Variants in ARHGAP12 observed in about 807,000 individuals in gnomAD.
ARHGAP12 encodes the protein Rho GTPase activating protein 12.
Under a neutral mutation model 108.6 loss-of-function variants are expected in ARHGAP12, and 64 were observed. That is an observed-to-expected ratio of 0.59 (90% CI 0.48 to 0.73). ARHGAP12 has a LOEUF of 0.73. ARHGAP12 is among the 30% of genes least tolerant of loss of function. The pLI is 0.00. For missense variants in ARHGAP12, 940 were observed against 1,005.9 expected (o/e 0.93, Z 0.89); for synonymous variants, 312 against 337.2 (o/e 0.93, Z 0.82).
At chr10:31,857,452 C>T (rs1007711322) in intron 4 of ARHGAP12, among the ~76,000 whole-genome samples, 4 of 152,098 alleles carry the variant, frequency 2.6e-5, no homozygotes, top group South Asian at 4.2e-4. Context: ...GGATGAACAG[C>T]GTGAGGTTAA....
In ARHGAP12 at chr10:31,890,384, T is replaced by A. The variant is rs553099940; in HGVS notation, c.684+17788A>T. On this transcript the variant is annotated intron_variant, in intron 3 of 19. Coordinates refer to ENST00000344936, the MANE Select transcript of ARHGAP12 (RefSeq NM_018287.7). ...GCATATTTTACCAAAAAATATTACG[T>A]TATAAATACTGAGGATTAGGTTTTC... Among the ~76,000 whole-genome samples, 197 of 152,310 alleles carry A rather than the reference T, an allele frequency of 1.3e-3. 1 individual carries two copies. Among genetic ancestry groups the A allele is most frequent in the African/African-American group, 4.6e-3 (191 of 41,572 alleles).
At chr10:31,865,877 C>CA (rs34210099) in intron 3 of ARHGAP12, among the ~76,000 whole-genome samples, 59,675 of 127,632 alleles carry the variant, frequency 0.47, 14,143 homozygotes, top group South Asian at 0.58. Flanking sequence ...GACTCCGTCT[C>CA]AAAAAAAAAA....
chr10:31,918,069 T>C (rs539619306), intron 1 of ARHGAP12, among the ~76,000 whole-genome samples: 89 of 152,052 alleles, frequency 5.9e-4, no homozygotes, highest in African/African-American at 2.1e-3. Context: ...AATCTTCCTG[T>C]CTCAGCCTCC....
intron 11 of ARHGAP12, among the ~76,000 whole-genome samples, chr10:31,822,365 A>C (rs1835447694): frequency 6.6e-6 from 1 of 152,208 alleles, no homozygotes; most frequent in Admixed American, 6.5e-5. Context: ...TGGCAGAAGG[A>C]CTTGATGGAA....
chr10:31,817,403 A>C (rs1835244209), intron 13 of ARHGAP12, among the ~76,000 whole-genome samples: 1 of 152,206 alleles, frequency 6.6e-6, no homozygotes, highest in African/African-American at 2.4e-5. Flanking sequence ...AGTGCTAATG[A>C]AGAGACTACA....
chr10:31,925,741 T>C (rs556117838), intron 1 of ARHGAP12, among the ~76,000 whole-genome samples: 7 of 152,278 alleles, frequency 4.6e-5, no homozygotes, highest in South Asian at 2.1e-4. Context: ...AAGAGTAACA[T>C]TGGTCTACAC....
At chr10:31,895,083 T>C (rs1838622826) in intron 3 of ARHGAP12, among the ~76,000 whole-genome samples, 1 of 152,178 alleles carries the variant, frequency 6.6e-6, no homozygotes, top group South Asian at 2.1e-4. Context: ...CCTTATACCT[T>C]ACACAAAAAT....
chr10:31,880,876 G>A (rs7921936), intron 3 of ARHGAP12, among the ~76,000 whole-genome samples: 2,019 of 150,578 alleles, frequency 0.013, 38 homozygotes, highest in African/African-American at 0.047. Context: ...CCTGGGCAAC[G>A]TGGCAAAGCT....
At chr10:31,884,688 T>C (rs1838126909) in intron 3 of ARHGAP12, among the ~76,000 whole-genome samples, 1 of 152,230 alleles carries the variant, frequency 6.6e-6, no homozygotes, top group Admixed American at 6.5e-5. Context: ...GGAACATTCA[T>C]TCACTGAGTT....
chr10:31,818,502 C>A (rs1192470378), intron 12 of ARHGAP12, among the ~76,000 whole-genome samples: 1 of 152,096 alleles, frequency 6.6e-6, no homozygotes, highest in Non-Finnish European at 1.5e-5. Context: ...TATGTACAAT[C>A]TCTGTTTTGC....
chr10:31,827,809 AC>A (rs1381868602), intron 10 of ARHGAP12, among the ~76,000 whole-genome samples: 9 of 151,330 alleles, frequency 5.9e-5, no homozygotes, highest in African/African-American at 2.2e-4. Flanking sequence ...AAAAACAAAA[AC>A]AAAAAAAAAA....
intron 4 of ARHGAP12, among the ~76,000 whole-genome samples, chr10:31,859,987 GTCCAGGCTGGTTTCGAAC>G (rs1837055535): frequency 1.3e-5 from 2 of 152,024 alleles, no homozygotes; most frequent in Admixed American, 1.3e-4. Flanking sequence ...TCACCATGTT[GTCCAGGCTGGTTTCGAAC>G]TCCTGACCTC....
At chr10:31,886,767 C>G (rs1405987530) in intron 3 of ARHGAP12, among the ~76,000 whole-genome samples, 2 of 152,168 alleles carry the variant, frequency 1.3e-5, no homozygotes, top group African/African-American at 4.8e-5. Context: ...GTCAATCATA[C>G]TACCCTGCAC....
intron 6 of ARHGAP12, among the ~76,000 whole-genome samples, chr10:31,843,918 G>C (rs1836357690): frequency 6.6e-6 from 1 of 152,094 alleles, no homozygotes; most frequent in South Asian, 2.1e-4. Context: ...AAGTATTAAA[G>C]AAGAAAGTAT....
At chr10:31,853,517 GAT>G (rs1836775515) in intron 5 of ARHGAP12, among the ~76,000 whole-genome samples, 1 of 152,122 alleles carries the variant, frequency 6.6e-6, no homozygotes. Context: ...AGGAAAGAGG[GAT>G]AAAAGCCTAG....
At chr10:31,846,509 T>C (rs1564386497) in intron 6 of ARHGAP12, among the ~76,000 whole-genome samples, 1 of 152,224 alleles carries the variant, frequency 6.6e-6, no homozygotes, top group Non-Finnish European at 1.5e-5. Flanking sequence ...ACAGTTCTTT[T>C]CTTCTAGCAT....
chr10:31,861,316 A>T, intron 4 of ARHGAP12, 79 bp downstream of exon 4: 1 of 1,496,444 alleles, frequency 6.7e-7, no homozygotes, highest in Non-Finnish European at 9.0e-7. Flanking sequence ...TAAGAAACAA[A>T]ACTATTTACT....
intron 3 of ARHGAP12, among the ~76,000 whole-genome samples, chr10:31,884,198 T>C (rs182553433): frequency 1.2e-3 from 189 of 151,994 alleles, no homozygotes; most frequent in African/African-American, 4.2e-3. Context: ...TGTGAGTTCA[T>C]ATCTATTGAT....
chr10:31,831,307 T>G (rs1592264709), intron 10 of ARHGAP12, among the ~76,000 whole-genome samples: 1 of 152,182 alleles, frequency 6.6e-6, no homozygotes, highest in East Asian at 1.9e-4. Flanking sequence ...AAAATTAATC[T>G]CTATACATAC....
Sources: allele counts gnomAD v4.1 joint callset (sites outside exome capture counted in the v4.1 genomes callset), GRCh38; gene constraint gnomAD v4.1.1; transcripts MANE v1.5; gene names NCBI Gene and HGNC (gene_info 2026-07-23, HGNC 2026-07-21).